Variants in MAN2A2 observed in about 807,000 individuals in gnomAD.
MAN2A2 encodes the protein mannosidase alpha class 2A member 2.
In MAN2A2, 79 loss-of-function variants were observed where a neutral mutation model predicts 126.8. The ratio of observed to expected loss-of-function variants is 0.62; its 90% CI spans 0.52 to 0.75. The LOEUF (loss-of-function observed/expected upper bound fraction) is 0.75. Among genes scored for constraint, MAN2A2 ranks in the 30% least tolerant of loss-of-function variants. MAN2A2 has a pLI of 0.00. For synonymous variants in MAN2A2, 671 were observed against 618.7 expected (o/e 1.08, Z -1.25); for missense variants, 1,392 against 1,522.4 (o/e 0.91, Z 1.43).
chr15:90,908,678 TG>T (rs2034490222), intron 8 of MAN2A2, among the ~76,000 whole-genome samples: 1 of 151,634 alleles, frequency 6.6e-6, no homozygotes, highest in Non-Finnish European at 1.5e-5. Flanking sequence ...TGGGTTCAAG[TG>T]ATTATCCTGC....
intron 11 of MAN2A2, 34 bp downstream of exon 11, chr15:90,910,717 C>T (rs371568474): frequency 1.2e-6 from 2 of 1,610,864 alleles, no homozygotes; most frequent in Non-Finnish European, 1.7e-6. Flanking sequence ...GTAAGCTCCC[C>T]TGCTCACTGT....
intron 19 of MAN2A2, among the ~76,000 whole-genome samples, chr15:90,914,605 C>T (rs954311821): frequency 1.3e-5 from 2 of 152,150 alleles, no homozygotes; most frequent in Non-Finnish European, 2.9e-5. Context: ...CTGCAACCTC[C>T]GCCTTCCGAT....
At position 90,913,603 on chromosome 15, in the gene MAN2A2, T is replaced by C; in HGVS notation, c.2719-11T>C. The C allele has an allele frequency of 6.2e-7, 1 of 1,606,266 alleles. No individual in the cohort carries two copies. Among genetic ancestry groups the C allele is most frequent in the Non-Finnish European group, 8.5e-7 (1 of 1,176,832 alleles). On this transcript the variant is annotated splice_polypyrimidine_tract_variant and intron_variant, in intron 18 of 22. Transcript: ENST00000559717. ...CCGGGTGCCCTTGATCTGCTGGCCT[T>C]GCCCCCACAGGTGCAGCCCCGACGG...
At position 90,912,085 on chromosome 15, in the gene MAN2A2, C is replaced by G. The variant is rs752113945; in HGVS notation, c.2152C>G (p.Leu718Val). 14 of 1,613,102 alleles carry G rather than the reference C, an allele frequency of 8.7e-6. No homozygotes were observed. The highest frequency in any genetic ancestry group is 1.2e-5 in the Non-Finnish European group (14 of 1,179,932). Residue 718 changes from leucine (L) to valine (V), a missense_variant, in exon 15 of 23, where the codon CTG (leucine) becomes GTG (valine). Physicochemically the swap from Leu to Val is conservative, Grantham distance 32. Coordinates refer to ENST00000559717, the MANE Select transcript of MAN2A2 (RefSeq NM_006122.4). Reference sequence around the variant, plus strand: ...CCTGCCAGCCCTGGGCCTGGGCGTGCTGCAGCTACAGCTGGGCCTGGATGG... The same window carrying G: ...CCTGCCAGCCCTGGGCCTGGGCGTGGTGCAGCTACAGCTGGGCCTGGATGG... ...VRLPALGLGV[L>V]QLQLGLDGHR... is the part of the protein sequence containing the mutation.
chr15:90,912,777 G>A, intron 16 of MAN2A2, 100 bp from the exon 17 acceptor site: 1 of 1,564,824 alleles, frequency 6.4e-7, no homozygotes, highest in Non-Finnish European at 8.7e-7. Context: ...TCAGCCCAGG[G>A]GTGTCTGGGA....
Position 90,911,157 on chromosome 15 carries a change from T to C in MAN2A2, c.1876-14T>C, listed in dbSNP as rs757190559. On this transcript the variant is annotated splice_polypyrimidine_tract_variant and intron_variant, in intron 12 of 22. Transcript: ENST00000559717. ...CCCATGATGGTTCTTCCCTTCCGGC[T>C]CACTGAATTCCAGGATGACACTCGC... is the stretch of plus-strand genomic sequence containing the variant. The C allele has an allele frequency of 1.2e-6, 2 of 1,613,764 alleles. No individual in the cohort carries two copies. Among genetic ancestry groups the C allele is most frequent in the Admixed American group, 3.3e-5 (2 of 59,986 alleles).
Position 90,906,029 on chromosome 15 carries a change from C to T in MAN2A2, c.707+13C>T, listed in dbSNP as rs201212079. On this transcript the variant is annotated intron_variant, in intron 5 of 22. Coordinates refer to ENST00000559717, the MANE Select transcript of MAN2A2 (RefSeq NM_006122.4). ...CGGCAGTCCGAAGGCCAGTACCAGG[C>T]GGGGAGGCATGGGAGGGCATTGTCT... 29 of 1,613,220 alleles carry T rather than the reference C, an allele frequency of 1.8e-5. No individual in the cohort carries two copies. Among genetic ancestry groups the T allele is most frequent in the Admixed American group, 3.3e-5 (2 of 60,010 alleles).
At chr15:90,915,182 G>T (rs1311056016) in intron 19 of MAN2A2, among the ~76,000 whole-genome samples, 1 of 152,182 alleles carries the variant, frequency 6.6e-6, no homozygotes, top group Admixed American at 6.5e-5. Context: ...CCCCCTCTGG[G>T]ATATGGTATT....
At position 90,907,331 on chromosome 15, in the gene MAN2A2, C is replaced by T. The variant is rs757735777; in HGVS notation, c.1032C>T (p.Ile344=). ...QTWDSDSSTD[I]FCHMMPFYSY... ...CAGACTCGGACTCCAGCACAGACAT[C>T]TTCTGTCACATGATGCCCTTCTACA... is the stretch of plus-strand genomic sequence containing the variant. Residue 344 remains isoleucine, a synonymous_variant, in exon 8 of 23, where the codon ATC becomes ATT. Coordinates refer to ENST00000559717, the MANE Select transcript of MAN2A2 (RefSeq NM_006122.4). 2 of 1,614,062 alleles carry T rather than the reference C, an allele frequency of 1.2e-6. No homozygotes were observed. The highest frequency in any genetic ancestry group is 3.3e-5 in the Admixed American group (2 of 60,032).
At chr15:90,916,005 G>C in intron 19 of MAN2A2, 118 bp from the exon 20 acceptor site, 2 of 1,187,056 alleles carry the variant, frequency 1.7e-6, no homozygotes, top group South Asian at 1.5e-5. Context: ...GAGTGACTCA[G>C]CTTCTGTCTC....
chr15:90,912,151 G>A lies in MAN2A2; in HGVS notation c.2218G>A (p.Gly740Ser), dbSNP rs376092642. Reference sequence around the variant, plus strand: ...CTCCTCTGTGCGCATCTACCTGCACGGCCGGCAGCTGTCCGTCAGCAGGCA... The same window carrying A: ...CTCCTCTGTGCGCATCTACCTGCACAGCCGGCAGCTGTCCGTCAGCAGGCA... ...LPSSVRIYLHGRQLSVSRHEA... is the reference protein window; with the variant it reads ...LPSSVRIYLHSRQLSVSRHEA... The change falls in exon 15 of 23, where the codon GGC becomes AGC. Residue 740 changes from glycine to serine, a missense_variant. Physicochemically the swap from Gly to Ser is moderately conservative, Grantham distance 56 (BLOSUM62 0). Coordinates refer to ENST00000559717, the MANE Select transcript of MAN2A2 (RefSeq NM_006122.4). The A allele has an allele frequency of 1.4e-5, 22 of 1,613,768 alleles. No individual in the cohort carries two copies. The highest frequency in any genetic ancestry group is 1.7e-5 in the Non-Finnish European group (20 of 1,179,954).
chr15:90,915,872 G>C (rs1334976382), intron 19 of MAN2A2: 4 of 471,902 alleles, frequency 8.5e-6, no homozygotes, highest in African/African-American at 5.9e-5. Context: ...GAGCGTGGGG[G>C]GTAAACTGCC....
At chr15:90,909,105 C>G (rs1393653999) in intron 8 of MAN2A2, among the ~76,000 whole-genome samples, 2 of 152,082 alleles carry the variant, frequency 1.3e-5, no homozygotes, top group Non-Finnish European at 1.5e-5. Flanking sequence ...CAAAAGATCT[C>G]AACAGCCTAG....
rs887378740 is a variant in MAN2A2, at chr15:90,913,643, C to G, written c.2748C>G (p.Leu916=). 1.9e-6 allele frequency: 3 copies of G among 1,612,726 alleles called. No individual in the cohort carries two copies. The highest frequency in any genetic ancestry group is 2.5e-6 in the Non-Finnish European group (3 of 1,179,566). ...AGCCCCGACGGTATCTGAAGAAGCT[C>G]CCCCTCCAGGCCAACTTCTACCCCA... ...QVQPRRYLKK[L]PLQANFYPMP... The change falls in exon 19 of 23, where the codon CTC becomes CTG. Residue 916 remains leucine (L), a synonymous_variant. Coordinates refer to ENST00000559717, the MANE Select transcript of MAN2A2 (RefSeq NM_006122.4).
chr15:90,916,665 G>A lies in MAN2A2; in HGVS notation c.2994+409G>A, dbSNP rs768801549. On this transcript the variant is annotated intron_variant, in intron 20 of 22. Coordinates refer to ENST00000559717, the MANE Select transcript of MAN2A2 (RefSeq NM_006122.4). ...AGCAGGAGCGGTAACCGAGAGGTAA[G>A]GGTCGGCTCTGGGAGCGGGGAACTA... 1.3e-5 allele frequency: 17 copies of A among 1,293,654 alleles called. No homozygotes were observed. The South Asian group carries it at 2.1e-4, about 16-fold the overall frequency. 80.1% of individuals were successfully genotyped at this position (1,293,654 alleles called of 1,614,324 possible). A position where few individuals can be genotyped will look rare whatever the true frequency, so the allele number is the denominator to read the frequency against.
At position 90,916,109 on chromosome 15, in the gene MAN2A2, GT is replaced by G; in HGVS notation, c.2861-11del. On this transcript the variant is annotated splice_polypyrimidine_tract_variant and intron_variant, in intron 19 of 22. Coordinates refer to ENST00000559717, the MANE Select transcript of MAN2A2 (RefSeq NM_006122.4). ...GGGTGGGGGCGGGCCAGCACTCACT[GT>G]TTGCTTCCCCAGGCCAGCTGGAGGT... 1 of 1,613,554 alleles carries G rather than the reference GT, an allele frequency of 6.2e-7. No individual in the cohort carries two copies. Among genetic ancestry groups the G allele is most frequent in the South Asian group, 1.1e-5 (1 of 91,066 alleles).
intron 20 of MAN2A2, among the ~76,000 whole-genome samples, chr15:90,917,457 G>A (rs1596180157): frequency 6.6e-6 from 1 of 152,224 alleles, no homozygotes; most frequent in African/African-American, 2.4e-5. Flanking sequence ...GGATCTGTGG[G>A]AAGGGAGACT....
chr15:90,905,310 C>T lies in MAN2A2; in HGVS notation c.192C>T (p.Asn64=), dbSNP rs1308903721. ...IEQLEQLLEE[N]HEIISHIKDS... ...AGCTGGAGCAGCTTTTGGAGGAGAA[C>T]CATGAGATTATCAGCCATATCAAGG... Residue 64 remains asparagine, a synonymous_variant, in exon 3 of 23, where the codon AAC becomes AAT. Coordinates refer to ENST00000559717, the MANE Select transcript of MAN2A2 (RefSeq NM_006122.4). The T allele has an allele frequency of 6.2e-7, 1 of 1,613,894 alleles. No individual in the cohort carries two copies. Among genetic ancestry groups the T allele is most frequent in the Non-Finnish European group, 8.5e-7 (1 of 1,180,038 alleles).
Position 90,911,253 on chromosome 15 carries a change from G to A in MAN2A2, c.1943+15G>A, listed in dbSNP as rs777051752. 13 of 1,613,776 alleles carry A rather than the reference G, an allele frequency of 8.1e-6. No individual in the cohort carries two copies. Among genetic ancestry groups the A allele is most frequent in the Admixed American group, 3.3e-5 (2 of 59,992 alleles). On this transcript the variant is annotated intron_variant, in intron 13 of 22. Transcript: ENST00000559717. Reference sequence around the variant, plus strand: ...TCCTCGCCCAGGTAACCTGGACTACGCCATGTGCAGAGAGGCAGAGCCATT... The same window carrying A: ...TCCTCGCCCAGGTAACCTGGACTACACCATGTGCAGAGAGGCAGAGCCATT...
Sources: allele counts gnomAD v4.1 joint callset (sites outside exome capture counted in the v4.1 genomes callset), GRCh38; gene constraint gnomAD v4.1.1; transcripts MANE v1.5; gene names NCBI Gene and HGNC (gene_info 2026-07-23, HGNC 2026-07-21).